The following FAM177A1 variants were observed in gnomAD, a reference collection of about 807,000 sequenced individuals.
FAM177A1 encodes the protein protein FAM177A1.
FAM177A1 carries 22 observed loss-of-function variants against 26.1 expected under a neutral mutation model. That is an observed-to-expected ratio of 0.84 (90% CI 0.60 to 1.20). FAM177A1 has a LOEUF of 1.20. FAM177A1 is among the 50% of genes most tolerant of loss of function. FAM177A1 has a pLI of 0.00. For synonymous variants in FAM177A1, 95 were observed against 99.3 expected (o/e 0.96, Z 0.26); for missense variants, 296 against 291.1 (o/e 1.02, Z -0.12).
At chr14:35,050,960 C>G (rs1334458021) in intron 1 of FAM177A1, 1 of 151,946 alleles carries the variant, frequency 6.6e-6, no homozygotes, top group Non-Finnish European at 1.5e-5. Context: ...GGGTTAACTA[C>G]TTGTTTATTT....
At chr14:35,048,947 G>A (rs2044919547) in intron 1 of FAM177A1, among the ~76,000 whole-genome samples, 1 of 150,526 alleles carries the variant, frequency 6.6e-6, no homozygotes, top group African/African-American at 2.4e-5. Flanking sequence ...CTGGAGTGCA[G>A]TGGCATGATC....
rs748738169 is a variant in FAM177A1 at position 35,081,256 on chromosome 14, CTTAAGT to C, written c.*31_*36del. The C allele has an allele frequency of 8.3e-6, 13 of 1,561,012 alleles. No homozygotes were observed. The South Asian group carries it at 9.8e-5, about 12-fold the overall frequency. On this transcript the variant is annotated 3_prime_UTR_variant, in exon 5 of 5. Coordinates refer to ENST00000280987, the MANE Select transcript of FAM177A1 (RefSeq NM_173607.5). ...TGAAATGACTATCAAGCTTCAAACT[CTTAAGT>C]TTTTTTTTTTTAATACAAAAACTTT...
chr14:35,053,187 A>G lies in FAM177A1; in HGVS notation c.166-91A>G, dbSNP rs998884473. 36 of 1,150,122 alleles carry G rather than the reference A, an allele frequency of 3.1e-5. No homozygotes were observed. In the South Asian group the frequency reaches 3.2e-4, roughly 10 times the overall value. 71.2% of individuals were successfully genotyped at this position (1,150,122 alleles called of 1,614,324 possible). ...AAACTGCTTAAAGATTTATTTCTTT[A>G]CTACAATAAACCTACCAAAAGTTTT... On this transcript the variant is annotated intron_variant, in intron 1 of 4. Coordinates refer to ENST00000280987, the MANE Select transcript of FAM177A1 (RefSeq NM_173607.5).
At chr14:35,061,947 A>G (rs887812044) in intron 2 of FAM177A1, among the ~76,000 whole-genome samples, 11 of 151,992 alleles carry the variant, frequency 7.2e-5, no homozygotes, top group African/African-American at 2.7e-4. Flanking sequence ...ACCCCCTGTC[A>G]ACCACACTTA....
chr14:35,046,533 A>G lies in FAM177A1; in HGVS notation c.70A>G (p.Met24Val), dbSNP rs200121612. 2.0e-5 allele frequency: 32 copies of G among 1,602,572 alleles called. No individual in the cohort carries two copies. The highest frequency in any genetic ancestry group is 4.2e-4 in the Middle Eastern group (2 of 4,812). Residue 24 changes from methionine to valine, a missense_variant, in exon 1 of 5, where the codon ATG (methionine) becomes GTG (valine). By Grantham distance (21) the Met-to-Val change is conservative. Transcript: ENST00000280987. ...SASSPVVATT[M>V]DQEPVGGVER... ...CAGCAGCCCTGTGGTGGCGACGACG[A>G]TGGACCAGGAGCCAGTGGGCGGTGT... is the stretch of plus-strand genomic sequence containing the variant.
At chr14:35,073,001 C>A (rs771959685) in intron 2 of FAM177A1, among the ~76,000 whole-genome samples, 1 of 152,186 alleles carries the variant, frequency 6.6e-6, no homozygotes, top group Non-Finnish European at 1.5e-5. Context: ...TTTTCTATAA[C>A]AATGGCATCT....
intron 2 of FAM177A1, among the ~76,000 whole-genome samples, chr14:35,068,959 G>C (rs1330870402): frequency 6.6e-6 from 1 of 152,192 alleles, no homozygotes; most frequent in Non-Finnish European, 1.5e-5. Flanking sequence ...CATTCATGAT[G>C]CTGGAGCTGT....
intron 1 of FAM177A1, among the ~76,000 whole-genome samples, chr14:35,048,370 T>C (rs930653855): frequency 6.6e-6 from 1 of 152,118 alleles, no homozygotes; most frequent in African/African-American, 2.4e-5. Flanking sequence ...GTTAGTGATA[T>C]TCTGTTGTTT....
rs989759773 is a variant in FAM177A1 at position 35,082,072 on chromosome 14, A to G, written c.*844A>G. ...TAGATATTGTATAAGGTGCAATGAT[A>G]GCCTAATGAAATTACCCGTCATTCA... is the stretch of plus-strand genomic sequence containing the variant. On this transcript the variant is annotated 3_prime_UTR_variant, in exon 5 of 5. Transcript: ENST00000280987. The G allele has an allele frequency of 1.3e-5, 2 of 152,220 alleles. No individual in the cohort carries two copies. Among genetic ancestry groups the G allele is most frequent in the Non-Finnish European group, 2.9e-5 (2 of 68,042 alleles). The allele number at this position is 152,220 out of a possible 1,614,324, so 9.4% of individuals were successfully genotyped here.
chr14:35,059,842 C>T (rs937910924), intron 2 of FAM177A1, among the ~76,000 whole-genome samples: 1 of 151,680 alleles, frequency 6.6e-6, no homozygotes, highest in East Asian at 1.9e-4. Context: ...CCACCACACT[C>T]CACCAATTTT....
chr14:35,074,655 G>A (rs982118974), intron 2 of FAM177A1, among the ~76,000 whole-genome samples: 2 of 151,932 alleles, frequency 1.3e-5, no homozygotes, highest in Admixed American at 6.6e-5. Context: ...AGATATTCTT[G>A]TGTTTGCCTT....
chr14:35,045,167 C>G (rs2044842089), upstream of FAM177A1: 1 of 152,194 alleles, frequency 6.6e-6, no homozygotes, highest in South Asian at 2.1e-4. Flanking sequence ...CAACTCCCTG[C>G]TGATGCCACC....
At chr14:35,073,595 A>C (rs565681419) in intron 2 of FAM177A1, among the ~76,000 whole-genome samples, 11 of 152,334 alleles carry the variant, frequency 7.2e-5, no homozygotes, top group Non-Finnish European at 1.0e-4. Context: ...TTAACAGAAT[A>C]CTTCCTGACT....
At chr14:35,048,077 G>A (rs1213565023) in intron 1 of FAM177A1, among the ~76,000 whole-genome samples, 2 of 152,102 alleles carry the variant, frequency 1.3e-5, no homozygotes, top group Non-Finnish European at 2.9e-5. Context: ...TATGGAATAC[G>A]TTTTTTCCCT....
chr14:35,053,295 C>T lies in FAM177A1; in HGVS notation c.183C>T (p.Gly61=). 6.2e-7 allele frequency: 1 copy of T among 1,611,492 alleles called. No homozygotes were observed. Among genetic ancestry groups the T allele is most frequent in the Non-Finnish European group, 8.5e-7 (1 of 1,179,446 alleles). ...ESAGQMSNER[G]FENVELGVIG... ...TGATATAGATGAGTAACGAAAGAGG[C>T]TTTGAAAATGTAGAACTGGGAGTCA... The change falls in exon 2 of 5, where the codon GGC becomes GGT. Residue 61 remains glycine, a synonymous_variant. Transcript: ENST00000280987.
chr14:35,046,507 C>A lies in FAM177A1; in HGVS notation c.44C>A (p.Ala15Asp). ...GCCATTACCCTCTTTCTCACCAGCG[C>A]CAGCAGCCCTGTGGTGGCGACGACG... ...LPAITLFLTS[A>D]SSPVVATTMD... The change falls in exon 1 of 5, where the codon GCC becomes GAC. Residue 15 changes from alanine to aspartate, a missense_variant. Physicochemically the swap from Ala to Asp is moderately radical, Grantham distance 126 (BLOSUM62 -2). Transcript: ENST00000280987. 6.2e-7 allele frequency: 1 copy of A among 1,602,332 alleles called. No homozygotes were observed.
intron 2 of FAM177A1, 48 bp from the exon 3 acceptor site, chr14:35,077,102 T>C: frequency 6.9e-7 from 1 of 1,451,220 alleles, no homozygotes; most frequent in Non-Finnish European, 9.7e-7. Context: ...CCTAAATATA[T>C]GGAATGAATT....
At chr14:35,054,766 G>A (rs2045031728) in intron 2 of FAM177A1, 1 of 152,096 alleles carries the variant, frequency 6.6e-6, no homozygotes, top group Non-Finnish European at 1.5e-5. Context: ...CCTGAGGTCG[G>A]GAGTTCAAGA....
chr14:35,081,010 CCTTT>C lies in FAM177A1; in HGVS notation c.505-11_505-8del. ...TATTTCAACTATTCTTGATATTGCT[CCTTT>C]TTTTTAGGAAGAAGAAGAAGAAGAA... On this transcript the variant is annotated splice_region_variant and splice_polypyrimidine_tract_variant and intron_variant, in intron 4 of 4. Transcript: ENST00000280987. 1 of 1,590,350 alleles carries C rather than the reference CCTTT, an allele frequency of 6.3e-7. No homozygotes were observed. Among genetic ancestry groups the C allele is most frequent in the Non-Finnish European group, 8.6e-7 (1 of 1,169,360 alleles).
Sources: gnomAD v4.1 joint callset for allele counts (sites outside exome capture counted in the v4.1 genomes callset) on GRCh38, gnomAD v4.1.1 for gene constraint, MANE v1.5 for transcripts, NCBI Gene and HGNC (gene_info 2026-07-23, HGNC 2026-07-21) for gene names.